The following RIMBP2 variants were observed in gnomAD, a reference collection of about 807,000 sequenced individuals.
RIMBP2 encodes the protein RIMS-binding protein 2.
In RIMBP2, 48 loss-of-function variants were observed where a neutral mutation model predicts 118.6. The observed-to-expected ratio is 0.40, with a 90% confidence interval of 0.32 to 0.51. The LOEUF (loss-of-function observed/expected upper bound fraction) is 0.51. Among genes scored for constraint, RIMBP2 ranks in the 20% least tolerant of loss-of-function variants. RIMBP2 has a pLI of 0.41. For synonymous variants in RIMBP2, 762 were observed against 742.9 expected (o/e 1.03, Z -0.42); for missense variants, 1,551 against 1,768.3 (o/e 0.88, Z 2.20).
In RIMBP2 at chr12:130,688,161, C is replaced by T. The variant is rs907161116; in HGVS notation, c.-352+28061G>A. Among the ~76,000 whole-genome samples, 2 of 152,186 alleles carry T rather than the reference C, an allele frequency of 1.3e-5. No homozygotes were observed. The highest frequency in any genetic ancestry group is 4.8e-5 in the African/African-American group (2 of 41,440). On this transcript the variant is annotated intron_variant, in intron 1 of 22. Coordinates refer to ENST00000690449, the MANE Select transcript of RIMBP2 (RefSeq NM_001393629.1). The surrounding 1 kb of genome is among the most constrained non-coding windows in gnomAD (Gnocchi z 4.7). ...CCAAGCATGGCCCCACAGCTCCCGG[C>T]CCAGCCTGCACTGTTCATGCTGCTT...
chr12:130,691,282 G>A (rs1038467801), intron 1 of RIMBP2, among the ~76,000 whole-genome samples: 9 of 152,180 alleles, frequency 5.9e-5, no homozygotes, highest in Admixed American at 3.3e-4. Context: ...AAGGCCCAGC[G>A]GAACCAACCC....
At chr12:130,691,330 G>A (rs1378992486) in intron 1 of RIMBP2, among the ~76,000 whole-genome samples, 1 of 152,210 alleles carries the variant, frequency 6.6e-6, no homozygotes, top group African/African-American at 2.4e-5. Context: ...GGAACAGGCA[G>A]GTGGCTGTAG....
Position 130,424,555 on chromosome 12 carries a change from C to G in RIMBP2, c.2716G>C (p.Gly906Arg), listed in dbSNP as rs536405326. The change falls in exon 16 of 23, where the codon GGC (glycine) becomes CGC (arginine). Residue 906 changes from glycine to arginine, a missense_variant. Physicochemically the swap from Gly to Arg is moderately radical, Grantham distance 125 (BLOSUM62 -2). Transcript: ENST00000690449. The surrounding 1 kb of genome is among the most constrained non-coding windows in gnomAD (Gnocchi z 9.8). ...HVEDFLLEDR[G>R]CRFSRSATRS... ...GTGGCCGAGCGGCTGAACCGACAGC[C>G]CCTGTCTTCCAGAAGGAAGTCCTCC... is the stretch of plus-strand genomic sequence containing the variant. 4 of 1,232,006 alleles carry G rather than the reference C, an allele frequency of 3.2e-6. No individual in the cohort carries two copies. In the South Asian group the frequency reaches 1.2e-4, roughly 38 times the overall value. The allele number at this position is 1,232,006 out of a possible 1,614,324, so 76.3% of individuals were successfully genotyped here.
At chr12:130,571,383 G>A (rs147397841) in intron 2 of RIMBP2, among the ~76,000 whole-genome samples, 1,631 of 151,020 alleles carry the variant, frequency 0.011, 23 homozygotes, top group African/African-American at 0.037. Context: ...ACAAGACTCA[G>A]CTGCCGTGTG....
intron 2 of RIMBP2, among the ~76,000 whole-genome samples, chr12:130,548,316 A>G (rs564100429): frequency 3.3e-5 from 5 of 152,206 alleles, no homozygotes; most frequent in Admixed American, 2.6e-4. Flanking sequence ...CTTTGCCACC[A>G]TTTCTGGAAT....
chr12:130,426,728 A>T (rs1213247938), intron 15 of RIMBP2: 2 of 152,328 alleles, frequency 1.3e-5, no homozygotes, highest in African/African-American at 4.8e-5. Context: ...TCAGCCCAGG[A>T]ACTTTATGAT....
chr12:130,413,511 T>C (rs2075880895), intron 18 of RIMBP2, among the ~76,000 whole-genome samples: 1 of 151,932 alleles, frequency 6.6e-6, no homozygotes, highest in Admixed American at 6.6e-5. Context: ...CGCGCATCTG[T>C]GTTCCCAGCT....
intron 2 of RIMBP2, among the ~76,000 whole-genome samples, chr12:130,566,509 C>CA (rs2057230415): frequency 6.6e-6 from 1 of 152,208 alleles, no homozygotes; most frequent in Admixed American, 6.5e-5. Context: ...CTAGAAGCAG[C>CA]AAGCTACCAT....
chr12:130,663,053 A>G (rs2063728139), intron 1 of RIMBP2, among the ~76,000 whole-genome samples: 1 of 152,232 alleles, frequency 6.6e-6, no homozygotes, highest in Non-Finnish European at 1.5e-5. Flanking sequence ...AAACCATCCC[A>G]GGTGGTTCCC....
At chr12:130,448,969 T>G (rs181077760) in intron 9 of RIMBP2, among the ~76,000 whole-genome samples, 12 of 152,340 alleles carry the variant, frequency 7.9e-5, no homozygotes, top group Non-Finnish European at 1.5e-4. Flanking sequence ...TGGACTGGCT[T>G]AAATCAAGAG....
chr12:130,585,167 G>C (rs1272766306), intron 2 of RIMBP2, among the ~76,000 whole-genome samples: 1 of 152,156 alleles, frequency 6.6e-6, no homozygotes, highest in Non-Finnish European at 1.5e-5. Context: ...GAGGTTAACA[G>C]GCGTGAGCCA....
At chr12:130,516,566 C>T (rs371938028) in intron 3 of RIMBP2, among the ~76,000 whole-genome samples, 34 of 152,236 alleles carry the variant, frequency 2.2e-4, no homozygotes, top group Middle Eastern at 3.4e-3. Context: ...TTAGAGTGGA[C>T]GTTAGAGCCA....
At chr12:130,661,127 G>A (rs2136344254) in intron 1 of RIMBP2, among the ~76,000 whole-genome samples, 1 of 152,276 alleles carries the variant, frequency 6.6e-6, no homozygotes, top group African/African-American at 2.4e-5. Flanking sequence ...GTGGACAGCT[G>A]CCATTCGCAG....
At chr12:130,439,331 G>A (rs1008325658) in intron 11 of RIMBP2, among the ~76,000 whole-genome samples, 1 of 151,480 alleles carries the variant, frequency 6.6e-6, no homozygotes, top group Admixed American at 6.6e-5. Context: ...GTGTGTAAGT[G>A]TATGTATGTG....
intron 1 of RIMBP2, among the ~76,000 whole-genome samples, chr12:130,641,399 G>A (rs1293197384): frequency 1.4e-5 from 2 of 146,542 alleles, no homozygotes; most frequent in African/African-American, 5.2e-5. Flanking sequence ...GGTGACTGCC[G>A]GACACTCGGC....
intron 1 of RIMBP2, among the ~76,000 whole-genome samples, chr12:130,687,371 C>A (rs1397652594): frequency 6.6e-6 from 1 of 152,186 alleles, no homozygotes; most frequent in Non-Finnish European, 1.5e-5. Context: ...GCGTTTTAAT[C>A]CACCTGTAAG....
intron 2 of RIMBP2, among the ~76,000 whole-genome samples, chr12:130,572,469 G>C (rs986438395): frequency 6.6e-6 from 1 of 152,044 alleles, no homozygotes; most frequent in African/African-American, 2.4e-5. Context: ...CCTGACGGTG[G>C]ACTCATCCTT....
Position 130,511,425 on chromosome 12 carries a change from A to T in RIMBP2, c.-126-4655T>A, listed in dbSNP as rs1349530804. 6.6e-6 allele frequency among the ~76,000 whole-genome samples: 1 copy of T among 152,156 alleles called. No individual in the cohort carries two copies. The highest frequency in any genetic ancestry group is 1.5e-5 in the Non-Finnish European group (1 of 68,032). The stretch of plus-strand genomic sequence containing the variant: ...CCTCGTTACCGCGAGCACGCGTCGA[A>T]TTGTCACTCTACACCAACAACTGGC... On this transcript the variant is annotated intron_variant, in intron 3 of 22. Transcript: ENST00000690449. This position sits in a 1 kb window ranked among gnomAD's most constrained non-coding sequence, Gnocchi z 4.3.
intron 1 of RIMBP2, among the ~76,000 whole-genome samples, chr12:130,694,684 C>T (rs149638966): frequency 5.8e-4 from 89 of 152,330 alleles, no homozygotes; most frequent in Non-Finnish European, 8.4e-4. Context: ...GTCCCCACTG[C>T]GGCAACTTTC....
Sources: allele counts gnomAD v4.1 joint callset (sites outside exome capture counted in the v4.1 genomes callset), GRCh38; gene constraint gnomAD v4.1.1; non-coding constraint Gnocchi (gnomAD v3.1); transcripts MANE v1.5; gene names NCBI Gene and HGNC (gene_info 2026-07-23, HGNC 2026-07-21).